The following ABCB5 variants were observed in gnomAD, a reference collection of about 807,000 sequenced individuals.
ABCB5 encodes ATP-binding cassette sub-family B member 5.
Under a neutral mutation model 144.2 loss-of-function variants are expected in ABCB5, and 155 were observed. The observed-to-expected ratio is 1.08, with a 90% CI of 0.94 to 1.23. The LOEUF (loss-of-function observed/expected upper bound fraction) is 1.23, where lower values mean the gene tolerates loss of function less well. Among genes scored for constraint, ABCB5 ranks in the 50% most tolerant of loss-of-function variants. The probability of loss-of-function intolerance (pLI) is 0.00; values close to 1 mark genes in which losing one functional copy is unlikely to be tolerated. For missense variants in ABCB5, 1,830 were observed against 1,520.8 expected (o/e 1.20, Z -3.38); for synonymous variants, 610 against 528.6 (o/e 1.15, Z -2.11).
chr7:20,751,843 CAG>C (rs1782940175), intron 26 of ABCB5, among the ~76,000 whole-genome samples: 2 of 152,192 alleles, frequency 1.3e-5, no homozygotes, highest in Admixed American at 1.3e-4. Flanking sequence ...AGATAAATGA[CAG>C]AGAAAACAGC....
intron 21 of ABCB5, among the ~76,000 whole-genome samples, 176 bp from the exon 22 acceptor site, chr7:20,726,864 G>A (rs1470719692): frequency 6.6e-6 from 1 of 152,148 alleles, no homozygotes; most frequent in Non-Finnish European, 1.5e-5. Context: ...TCATCCAAAA[G>A]TGTCATTTTT....
At chr7:20,725,830 T>G (rs1782019666) in intron 21 of ABCB5, among the ~76,000 whole-genome samples, 1 of 152,196 alleles carries the variant, frequency 6.6e-6, no homozygotes, top group East Asian at 1.9e-4. Flanking sequence ...ATGTTACAAA[T>G]GGAGGTTTCT....
At chr7:20,744,626 G>A (rs149297544) in intron 25 of ABCB5, among the ~76,000 whole-genome samples, 5 of 150,556 alleles carry the variant, frequency 3.3e-5, no homozygotes, top group African/African-American at 9.8e-5. Flanking sequence ...ATGGGGGGAG[G>A]GGGGAGGGAC....
intron 4 of ABCB5, 79 bp from the exon 5 acceptor site, chr7:20,631,980 G>A: frequency 2.4e-6 from 2 of 825,280 alleles, no homozygotes; most frequent in Non-Finnish European, 3.6e-6. Context: ...CACTATATTT[G>A]GTTTGGAGGG....
At chr7:20,674,751 C>A (rs112705124) in intron 14 of ABCB5, among the ~76,000 whole-genome samples, 27 of 124,180 alleles carry the variant, frequency 2.2e-4, no homozygotes, top group African/African-American at 8.5e-4. Context: ...CTAAAGACTA[C>A]ACACACACAC....
intron 3 of ABCB5, 73 bp from the exon 4 acceptor site, chr7:20,628,613 TTG>T (rs3033483): frequency 7.2e-3 from 9,245 of 1,286,948 alleles, no homozygotes; most frequent in South Asian, 0.014. Context: ...CTGTAGGCTG[TTG>T]TGTGTGTGTG....
chr7:20,633,362 T>C (rs1184835463), intron 5 of ABCB5, among the ~76,000 whole-genome samples: 2 of 152,136 alleles, frequency 1.3e-5, no homozygotes, highest in Non-Finnish European at 2.9e-5. Flanking sequence ...GGGTCTTTAC[T>C]CTAAACCTAA....
At chr7:20,651,716 A>G (rs981880550) in intron 13 of ABCB5, 93 bp downstream of exon 13, 1 of 1,305,172 alleles carries the variant, frequency 7.7e-7, no homozygotes, top group Non-Finnish European at 1.1e-6. Flanking sequence ...GATGCAGAAT[A>G]GTAGGGGTGT....
At position 20,698,229 on chromosome 7, in the gene ABCB5, A is replaced by C. The variant is rs77319436; in HGVS notation, c.2011-178A>C. 4.2e-3 allele frequency among the ~76,000 whole-genome samples: 647 copies of C among 152,272 alleles called. 2 individuals carry two copies. Among genetic ancestry groups the C allele is most frequent in the Middle Eastern group, 0.014 (4 of 294 alleles). ...CTTGTGGCAAATCTTCTTTTATTTT[A>C]TGCTTTAGGGTCATCGTTAATAATA... On this transcript the variant is annotated intron_variant, in intron 16 of 27. Transcript: ENST00000404938.
rs140377661 is a variant in ABCB5 at position 20,685,668 on chromosome 7, A to T, written c.1870-28A>T. The T allele has an allele frequency of 3.4e-3, 5,251 of 1,558,386 alleles. 147 individuals are homozygous for T. The South Asian group carries it at 0.047, about 14-fold the overall frequency. ...CTTGAATTTTTAAGGCATTCTTATA[A>T]TGATAACCTATATATTCTTCCTGTA... On this transcript the variant is annotated intron_variant, in intron 15 of 27. Coordinates refer to ENST00000404938, the MANE Select transcript of ABCB5 (RefSeq NM_001163941.2).
chr7:20,631,366 T>C (rs189556129), intron 4 of ABCB5, among the ~76,000 whole-genome samples: 7 of 152,224 alleles, frequency 4.6e-5, no homozygotes, highest in African/African-American at 9.6e-5. Flanking sequence ...TTGTAATATG[T>C]GATGATGTTA....
chr7:20,715,735 T>A (rs567711156), intron 20 of ABCB5, among the ~76,000 whole-genome samples: 1 of 151,438 alleles, frequency 6.6e-6, no homozygotes, highest in Non-Finnish European at 1.5e-5. Flanking sequence ...TCTTTTTTTT[T>A]TTTTTTGAGA....
intron 5 of ABCB5, among the ~76,000 whole-genome samples, chr7:20,636,898 A>G (rs915034963): frequency 1.3e-5 from 2 of 152,096 alleles, no homozygotes; most frequent in African/African-American, 2.4e-5. Context: ...TATTTGAGAT[A>G]CATATTAAAG....
chr7:20,720,815 G>A (rs984948201), intron 20 of ABCB5, among the ~76,000 whole-genome samples: 18 of 151,584 alleles, frequency 1.2e-4, no homozygotes, highest in East Asian at 3.9e-4. Flanking sequence ...ATGGTGGTGC[G>A]CGCCTGTAGT....
At chr7:20,616,263 T>C (rs1484477473) in intron 1 of ABCB5, among the ~76,000 whole-genome samples, 1 of 152,222 alleles carries the variant, frequency 6.6e-6, no homozygotes, top group Non-Finnish European at 1.5e-5. Flanking sequence ...CTCGAACTCC[T>C]GACCTCAGAT....
Position 20,647,585 on chromosome 7 carries a change from TCA to T in ABCB5, c.1034_1035del (p.His345LeufsTer2). ...SSYCIGAAVP[H>X]FETFAIARGA... ...GTTATTGCATTGGAGCAGCAGTCCC[TCA>T]CTTTGAAACCTTCGCAATAGCCCGA... On this transcript the variant is annotated frameshift_variant, in exon 10 of 28. Coordinates refer to ENST00000404938, the MANE Select transcript of ABCB5 (RefSeq NM_001163941.2). LOFTEE classifies it high-confidence loss of function. The T allele has an allele frequency of 6.3e-7, 1 of 1,590,698 alleles. No individual in the cohort carries two copies. Among genetic ancestry groups the T allele is most frequent in the South Asian group, 1.1e-5 (1 of 87,216 alleles).
In ABCB5 at chr7:20,745,219, CT is replaced by C; in HGVS notation, c.3223-12del. On this transcript the variant is annotated splice_polypyrimidine_tract_variant and intron_variant, in intron 25 of 27. Coordinates refer to ENST00000404938, the MANE Select transcript of ABCB5 (RefSeq NM_001163941.2). ...TGATCTTAACACACCATTCTCCAAT[CT>C]GCTTTTGGCAGCTGTTTGATGGTGT... The C allele has an allele frequency of 3.1e-6, 5 of 1,613,438 alleles. No individual in the cohort carries two copies. The highest frequency in any genetic ancestry group is 3.4e-6 in the Non-Finnish European group (4 of 1,179,482).
chr7:20,738,935 T>A, intron 23 of ABCB5, 48 bp from the exon 24 acceptor site: 5 of 1,522,230 alleles, frequency 3.3e-6, no homozygotes, highest in Non-Finnish European at 4.4e-6. Flanking sequence ...TCTACTGTTT[T>A]ACAAAGGATC....
intron 21 of ABCB5, among the ~76,000 whole-genome samples, chr7:20,725,754 C>T (rs1782017492): frequency 6.6e-6 from 1 of 151,776 alleles, no homozygotes; most frequent in African/African-American, 2.4e-5. Context: ...TTTTTATATT[C>T]ATTCCTTTTG....
Sources: gnomAD v4.1 joint callset for allele counts (sites outside exome capture counted in the v4.1 genomes callset) on GRCh38, gnomAD v4.1.1 for gene constraint, MANE v1.5 for transcripts, NCBI Gene and HGNC (gene_info 2026-07-23, HGNC 2026-07-21) for gene names.